Variants in OXCT1 observed in about 807,000 individuals in gnomAD.
The protein encoded by OXCT1 is succinyl-CoA:3-ketoacid coenzyme A transferase 1, mitochondrial.
A neutral mutation model predicts 69.6 loss-of-function variants in OXCT1; 27 were observed. That is an observed-to-expected ratio of 0.39 (90% CI 0.29 to 0.54). The LOEUF is 0.54. Among genes scored for constraint, OXCT1 ranks in the 20% least tolerant of loss-of-function variants. The probability of loss-of-function intolerance (pLI) is 0.72; values close to 1 mark genes in which losing one functional copy is unlikely to be tolerated. For missense variants in OXCT1, 437 were observed against 650.2 expected, an observed-to-expected ratio of 0.67 and a Z score of 3.57; for synonymous variants, 202 against 217.8, an observed-to-expected ratio of 0.93 and a Z score of 0.64.
Position 41,790,872 on chromosome 5 carries a change from T to C in OXCT1, c.1248+3131A>G, listed in dbSNP as rs749521541. On this transcript the variant is annotated intron_variant, in intron 13 of 16. Coordinates refer to ENST00000196371, the MANE Select transcript of OXCT1 (RefSeq NM_000436.4). ...AATGTGTCCTCAAAGGGCTTAATTT[T>C]GGTGCTTGAATAGGGACTTAGGATA... Among the ~76,000 whole-genome samples the C allele has an allele frequency of 1.8e-3, 275 of 152,308 alleles. 6 individuals carry two copies. Among genetic ancestry groups the C allele is most frequent in the Non-Finnish European group, 6.0e-4 (41 of 68,016 alleles).
intron 8 of OXCT1, among the ~76,000 whole-genome samples, chr5:41,806,974 TTAAGA>T (rs1238529996): frequency 6.6e-6 from 1 of 151,996 alleles, no homozygotes; most frequent in Non-Finnish European, 1.5e-5. Flanking sequence ...CAATCAAACA[TTAAGA>T]TAAGACTACA....
At chr5:41,756,892 G>A (rs1024737117) in intron 14 of OXCT1, among the ~76,000 whole-genome samples, 3 of 152,046 alleles carry the variant, frequency 2.0e-5, no homozygotes, top group Non-Finnish European at 2.9e-5. Flanking sequence ...ATATTCTTAC[G>A]ATGTTCTAGA....
At chr5:41,840,636 A>G in intron 6 of OXCT1, 125 bp from the exon 7 acceptor site, 3 of 634,978 alleles carry the variant, frequency 4.7e-6, no homozygotes, top group Non-Finnish European at 8.5e-6. Context: ...TTCCAAAAAG[A>G]GTGTATCATA....
intron 13 of OXCT1, among the ~76,000 whole-genome samples, chr5:41,786,789 C>T (rs1443938673): frequency 6.6e-6 from 1 of 152,194 alleles, no homozygotes; most frequent in African/African-American, 2.4e-5. Flanking sequence ...GAAATGCACA[C>T]ACATTCACAT....
chr5:41,866,655 A>C (rs1184667423), intron 1 of OXCT1, among the ~76,000 whole-genome samples: 33 of 152,230 alleles, frequency 2.2e-4, no homozygotes, highest in Non-Finnish European at 4.6e-4. Flanking sequence ...TTTCACCTTG[A>C]ACTAAACACT....
In OXCT1 at chr5:41,749,514, A is replaced by G; in HGVS notation, c.1419+13T>C. On this transcript the variant is annotated intron_variant, in intron 15 of 16. Transcript: ENST00000196371. ...ACTTAAAACATGGTAATAGTAGAAA[A>G]AGCACTTTTTACCTTTTCAGTAATA... 1 of 1,574,540 alleles carries G rather than the reference A, an allele frequency of 6.4e-7. No individual in the cohort carries two copies. The highest frequency in any genetic ancestry group is 1.1e-5 in the South Asian group (1 of 89,928).
rs1243415166 is a variant in OXCT1, at chr5:41,762,406, T to TA, written c.1249-207_1249-206insT. ...AGTTCAGGATAAACATTACATCACT[T>TA]TTATTAAGTGTGGCTAATATGATTT... On this transcript the variant is annotated intron_variant, in intron 13 of 16. Transcript: ENST00000196371. This position sits in a 1 kb window ranked among gnomAD's most constrained non-coding sequence, Gnocchi z 4.0. Among the ~76,000 whole-genome samples the TA allele has an allele frequency of 6.6e-6, 1 of 152,122 alleles. No homozygotes were observed. The highest frequency in any genetic ancestry group is 1.5e-5 in the Non-Finnish European group (1 of 68,010).
Position 41,827,157 on chromosome 5 carries a change from G to A in OXCT1, c.732+13294C>T, listed in dbSNP as rs186983245. Reference sequence around the variant, plus strand: ...AGTCTGTTCTACAAACAATACGCAAGCTAAAATTATGACCTTTCCAAATGC... The same window carrying A: ...AGTCTGTTCTACAAACAATACGCAAACTAAAATTATGACCTTTCCAAATGC... On this transcript the variant is annotated intron_variant, in intron 7 of 16. Coordinates refer to ENST00000196371, the MANE Select transcript of OXCT1 (RefSeq NM_000436.4). 7.4e-4 allele frequency among the ~76,000 whole-genome samples: 112 copies of A among 152,250 alleles called. 3 individuals are homozygous for A. Among genetic ancestry groups the A allele is most frequent in the Admixed American group, 6.7e-3 (102 of 15,290 alleles).
intron 13 of OXCT1, among the ~76,000 whole-genome samples, chr5:41,767,878 G>T (rs1744692690): frequency 6.6e-6 from 1 of 151,254 alleles, no homozygotes; most frequent in Non-Finnish European, 1.5e-5. Context: ...CTGCTATTGA[G>T]GCTTTCAGTT....
intron 1 of OXCT1, among the ~76,000 whole-genome samples, chr5:41,863,911 T>C (rs1749850259): frequency 6.6e-6 from 1 of 152,198 alleles, no homozygotes; most frequent in Admixed American, 6.5e-5. Context: ...GGTTCAATCT[T>C]AAATGTCAAA....
At chr5:41,753,509 C>A (rs1743913965) in intron 14 of OXCT1, among the ~76,000 whole-genome samples, 1 of 152,074 alleles carries the variant, frequency 6.6e-6, no homozygotes. Context: ...CCTCATCACC[C>A]CAGATTCAAA....
At chr5:41,838,430 A>C (rs140462696) in intron 7 of OXCT1, among the ~76,000 whole-genome samples, 2,150 of 152,268 alleles carry the variant, frequency 0.014, 98 homozygotes, top group South Asian at 0.079. Context: ...ATAATCCTAT[A>C]GTCCAAAGAG....
At chr5:41,836,485 A>G (rs2112384474) in intron 7 of OXCT1, among the ~76,000 whole-genome samples, 1 of 152,274 alleles carries the variant, frequency 6.6e-6, no homozygotes, top group South Asian at 2.1e-4. Context: ...GTTTTACACA[A>G]CTCATAAGTT....
At chr5:41,853,576 C>T in intron 3 of OXCT1, 22 bp from the exon 4 acceptor site, 2 of 1,612,540 alleles carry the variant, frequency 1.2e-6, no homozygotes, top group African/African-American at 2.7e-5. Flanking sequence ...ATGAAGGGAG[C>T]TTACCAAAGA....
chr5:41,798,015 A>T (rs1746258158), intron 11 of OXCT1, among the ~76,000 whole-genome samples: 1 of 152,178 alleles, frequency 6.6e-6, no homozygotes. Flanking sequence ...TCTGAGCTAC[A>T]GTAGGATTTG....
chr5:41,825,520 T>A (rs1747762454), intron 7 of OXCT1, among the ~76,000 whole-genome samples: 1 of 152,190 alleles, frequency 6.6e-6, no homozygotes, highest in African/African-American at 2.4e-5. Context: ...GGCAAAGCTA[T>A]CATAAGGAAG....
At position 41,731,588 on chromosome 5, in the gene OXCT1, A is replaced by T; in HGVS notation, c.*141T>A. The T allele has an allele frequency of 8.1e-7, 1 of 1,227,776 alleles. No individual in the cohort carries two copies. The highest frequency in any genetic ancestry group is 1.2e-6 in the Non-Finnish European group (1 of 867,170). 76.1% of individuals were successfully genotyped at this position (1,227,776 alleles called of 1,614,324 possible). A position where few individuals can be genotyped will look rare whatever the true frequency, so the allele number is the denominator to read the frequency against. On this transcript the variant is annotated 3_prime_UTR_variant, in exon 17 of 17. Coordinates refer to ENST00000196371, the MANE Select transcript of OXCT1 (RefSeq NM_000436.4). ...ACAGCATGCCTAGAGAACAGTTTAT[A>T]TGGCTGCATAAAGTCTGAAACACAA...
Position 41,794,943 on chromosome 5 carries a change from T to A in OXCT1, c.1100-194A>T, listed in dbSNP as rs368641092. Among the ~76,000 whole-genome samples, 15 of 152,220 alleles carry A rather than the reference T, an allele frequency of 9.9e-5. No individual in the cohort carries two copies. The East Asian group carries it at 1.2e-3, about 12-fold the overall frequency. On this transcript the variant is annotated intron_variant, in intron 11 of 16. Transcript: ENST00000196371. Reference sequence around the variant, plus strand: ...AGCATTTTGTCACTGACATTGCTCTTGCCTTTGCATGATGATAATGAAAAG... The same window carrying A: ...AGCATTTTGTCACTGACATTGCTCTAGCCTTTGCATGATGATAATGAAAAG...
At chr5:41,752,049 T>C (rs753254604) in intron 14 of OXCT1, among the ~76,000 whole-genome samples, 4 of 152,144 alleles carry the variant, frequency 2.6e-5, no homozygotes, top group African/African-American at 4.8e-5. Context: ...CCCTACAGTA[T>C]GCTATGGCAG....
Sources: gnomAD v4.1 joint callset for allele counts (sites outside exome capture counted in the v4.1 genomes callset) on GRCh38, gnomAD v4.1.1 for gene constraint, Gnocchi (gnomAD v3.1) non-coding constraint, MANE v1.5 for transcripts, NCBI Gene and HGNC (gene_info 2026-07-23, HGNC 2026-07-21) for gene names.